GALNT4: variants seen among roughly 807,000 people sequenced by gnomAD.
GALNT4 encodes UDP-GalNAc:polypeptide N-acetylgalactosaminyltransferase 4.
Under a neutral mutation model 45.1 loss-of-function variants are expected in GALNT4, and 23 were observed. The ratio of observed to expected loss-of-function variants is 0.51; its 90% CI spans 0.37 to 0.72. The LOEUF (loss-of-function observed/expected upper bound fraction) is 0.72. Ranked by LOEUF, GALNT4 falls within the 30% of genes least tolerant of loss-of-function variation. GALNT4 has a pLI of 0.00. For missense variants in GALNT4, 757 were observed against 709.0 expected, an observed-to-expected ratio of 1.07 and a Z score of -0.77; for synonymous variants, 264 against 257.6, an observed-to-expected ratio of 1.02 and a Z score of -0.24.
At position 89,524,165 on chromosome 12, in the gene GALNT4, A is replaced by G. The variant is rs1871200136; in HGVS notation, c.385T>C (p.Phe129Leu). The G allele has an allele frequency of 6.2e-7, 1 of 1,613,846 alleles. No individual in the cohort carries two copies. Among genetic ancestry groups the G allele is most frequent in the Admixed American group, 1.7e-5 (1 of 59,992 alleles). Residue 129 changes from phenylalanine (F) to leucine (L), a missense_variant, in exon 1 of 1, where the codon TTC becomes CTC. Transcript: ENST00000529983. ...KRMYECKSQK[F>L]NYRTLPTTSV... is the part of the protein sequence containing the mutation. ...GTGGTAGGAAGTGTCCTATAGTTGAACTTCTGGGACTTACACTCATACATT... is the reference window on the plus strand; with the variant it reads ...GTGGTAGGAAGTGTCCTATAGTTGAGCTTCTGGGACTTACACTCATACATT...
rs368664850 is a variant in GALNT4, at chr12:89,523,128, C to T, written c.1422G>A (p.Leu474=). The T allele has an allele frequency of 6.2e-7, 1 of 1,613,780 alleles. No homozygotes were observed. Among genetic ancestry groups the T allele is most frequent in the Non-Finnish European group, 8.5e-7 (1 of 1,179,816 alleles). ...DNNPTGANLS[L]FGCHGQGGNQ... ...TGCCTCCTTGACCATGGCATCCAAA[C>T]AGTGAAAGGTTAGCACCTGTGGGGT... is the stretch of plus-strand genomic sequence containing the variant. The change falls in exon 1 of 1, where the codon CTG becomes CTA. Residue 474 remains leucine (L), a synonymous_variant. Coordinates refer to ENST00000529983, the MANE Select transcript of GALNT4 (RefSeq NM_003774.5).
In GALNT4 at chr12:89,524,727, C is replaced by T; in HGVS notation, c.-178G>A. ...GGGTCACCTGAGCCCTCTCGGTCCT[C>T]GGCCTCCGGCACAGCCCAACTCCTC... On this transcript the variant is annotated 5_prime_UTR_variant, in exon 1 of 1. Transcript: ENST00000529983. 1.5e-6 allele frequency: 1 copy of T among 677,550 alleles called. No homozygotes were observed. The highest frequency in any genetic ancestry group is 1.9e-5 in the South Asian group (1 of 51,932). 42.0% of individuals were successfully genotyped at this position (677,550 alleles called of 1,614,324 possible). A position where few individuals can be genotyped will look rare whatever the true frequency, so the allele number is the denominator to read the frequency against.
chr12:89,523,959 G>C lies in GALNT4; in HGVS notation c.591C>G (p.Arg197=). 1 of 1,613,776 alleles carries C rather than the reference G, an allele frequency of 6.2e-7. No individual in the cohort carries two copies. The highest frequency in any genetic ancestry group is 1.3e-5 in the African/African-American group (1 of 75,020). ...ETYISNLDRV[R]LIRTNKREGL... ...CCTCTCGCTTATTGGTCCTAATCAA[G>C]CGTACTCTATCAAGATTGCTGATGT... The change falls in exon 1 of 1, where the codon CGC becomes CGG. Residue 197 remains arginine, a synonymous_variant. Transcript: ENST00000529983.
Position 89,523,696 on chromosome 12 carries a change from T to C in GALNT4, c.854A>G (p.Gln285Arg), listed in dbSNP as rs770026727. 2.1e-5 allele frequency: 33 copies of C among 1,543,640 alleles called. No homozygotes were observed. The highest frequency in any genetic ancestry group is 1.8e-4 in the East Asian group (8 of 44,626). ...IGGFDWRLTF[Q>R]WHSVPKQERD... ...TTCCTGTTTGGGGACAGAATGCCAC[T>C]GAAATGTTAAACGCCAGTCAAACCC... The change falls in exon 1 of 1, where the codon CAG becomes CGG. Residue 285 changes from glutamine (Q) to arginine (R), a missense_variant. Gln to Arg is a conservative substitution (Grantham distance 43). Coordinates refer to ENST00000529983, the MANE Select transcript of GALNT4 (RefSeq NM_003774.5).
In GALNT4 at chr12:89,524,682, C is replaced by T; in HGVS notation, c.-133G>A. On this transcript the variant is annotated 5_prime_UTR_variant, in exon 1 of 1. Transcript: ENST00000529983. Reference sequence around the variant, plus strand: ...TTCATGCAGGCGCTAGGCTCCTTTCCAGCCACCCAGGCTTTCCAGGGGTCA... The same window carrying T: ...TTCATGCAGGCGCTAGGCTCCTTTCTAGCCACCCAGGCTTTCCAGGGGTCA... 1.0e-6 allele frequency: 1 copy of T among 964,610 alleles called. No individual in the cohort carries two copies. Among genetic ancestry groups the T allele is most frequent in the Non-Finnish European group, 1.5e-6 (1 of 649,334 alleles). The allele number at this position is 964,610 out of a possible 1,614,324, so 59.8% of individuals were successfully genotyped here.
chr12:89,524,651 C>T lies in GALNT4; in HGVS notation c.-102G>A. The stretch of plus-strand genomic sequence containing the variant: ...GAGCTCAGGTACTTCCCAGCAGGTT[C>T]TTCCTTTCATGCAGGCGCTAGGCTC... On this transcript the variant is annotated 5_prime_UTR_variant, in exon 1 of 1. Transcript: ENST00000529983. 1 of 1,260,310 alleles carries T rather than the reference C, an allele frequency of 7.9e-7. No individual in the cohort carries two copies. The highest frequency in any genetic ancestry group is 1.1e-6 in the Non-Finnish European group (1 of 897,996). 78.1% of individuals were successfully genotyped at this position (1,260,310 alleles called of 1,614,324 possible).
chr12:89,522,103 T>C lies in GALNT4; in HGVS notation c.*710A>G. On this transcript the variant is annotated 3_prime_UTR_variant, in exon 1 of 1. Coordinates refer to ENST00000529983, the MANE Select transcript of GALNT4 (RefSeq NM_003774.5). ...AAGACAGCTTACAAAATCAGAGGAA[T>C]CTGAGGTATTAATATATACATCAGT... 1 of 399,016 alleles carries C rather than the reference T, an allele frequency of 2.5e-6. No individual in the cohort carries two copies. Among genetic ancestry groups the C allele is most frequent in the Non-Finnish European group, 4.4e-6 (1 of 226,060 alleles). The allele number at this position is 399,016 out of a possible 1,614,324, so 24.7% of individuals were successfully genotyped here.
rs1408793456 is a variant in GALNT4 at position 89,523,884 on chromosome 12, G to A, written c.666C>T (p.Val222=). The change falls in exon 1 of 1, where the codon GTC becomes GTT. Residue 222 remains valine, a synonymous_variant. Transcript: ENST00000529983. ...CACAGTGACAATCCAGGAAAGTGAG[G>A]ACGTCCCCAGTGGCGAAAGTGGCCC... ...LIGATFATGD[V]LTFLDCHCEC... The A allele has an allele frequency of 2.5e-6, 4 of 1,575,828 alleles. No individual in the cohort carries two copies. The highest frequency in any genetic ancestry group is 3.4e-6 in the Non-Finnish European group (4 of 1,165,088).
rs1202719179 is a variant in GALNT4 at position 89,523,819 on chromosome 12, A to G, written c.731T>C (p.Ile244Thr). The G allele has an allele frequency of 1.3e-6, 2 of 1,541,272 alleles. No individual in the cohort carries two copies. The highest frequency in any genetic ancestry group is 2.6e-5 in the South Asian group (2 of 76,954). The part of the protein sequence containing the change: ...SGWLEPLLER[I>T]GRDETAVVCP... Reference sequence around the variant, plus strand: ...CACAACTGCTGTTTCATCTCTCCCAATCCTTTCCAAAAGCGGTTCCAGCCA... The same window carrying G: ...CACAACTGCTGTTTCATCTCTCCCAGTCCTTTCCAAAAGCGGTTCCAGCCA... The change falls in exon 1 of 1, where the codon ATT becomes ACT. Residue 244 changes from isoleucine (I) to threonine (T), a missense_variant. Ile to Thr is a moderately conservative substitution (Grantham distance 89). Coordinates refer to ENST00000529983, the MANE Select transcript of GALNT4 (RefSeq NM_003774.5).
At position 89,523,876 on chromosome 12, in the gene GALNT4, A is replaced by G; in HGVS notation, c.674T>C (p.Phe225Ser). The change falls in exon 1 of 1, where the codon TTC (phenylalanine) becomes TCC (serine). Residue 225 changes from phenylalanine to serine, a missense_variant. Coordinates refer to ENST00000529983, the MANE Select transcript of GALNT4 (RefSeq NM_003774.5). The part of the protein sequence containing the change: ...ATFATGDVLT[F>S]LDCHCECNSG... ...ATTACACTCACAGTGACAATCCAGGAAAGTGAGGACGTCCCCAGTGGCGAA... is the reference window on the plus strand; with the variant it reads ...ATTACACTCACAGTGACAATCCAGGGAAGTGAGGACGTCCCCAGTGGCGAA... 1.3e-6 allele frequency: 2 copies of G among 1,571,950 alleles called. No individual in the cohort carries two copies. Among genetic ancestry groups the G allele is most frequent in the South Asian group, 2.4e-5 (2 of 82,742 alleles).
chr12:89,520,769 C>T lies in GALNT4; in HGVS notation c.*2044G>A, dbSNP rs1003778296. ...AGTGAACACTAAAAGCAACTTTACT[C>T]GTGAATACAGTGGACTCTTTACGAG... On this transcript the variant is annotated 3_prime_UTR_variant, in exon 1 of 1. Transcript: ENST00000529983. The T allele has an allele frequency of 3.3e-5, 5 of 152,156 alleles. No individual in the cohort carries two copies. Among genetic ancestry groups the T allele is most frequent in the Non-Finnish European group, 7.3e-5 (5 of 68,028 alleles). 9.4% of individuals were successfully genotyped at this position (152,156 alleles called of 1,614,324 possible).
Position 89,523,548 on chromosome 12 carries a change from C to T in GALNT4, c.1002G>A (p.Trp334Ter). ...AAGACAGCTCAAGGTTTTCACCTCC[C>T]CACACTTCCATTCCTGTGTCATACG... ...LGTYDTGMEV[W>*]GGENLELSFR... Residue 334 changes from tryptophan to a stop codon, truncating the protein, a stop_gained, in exon 1 of 1, where the codon TGG becomes TGA. Coordinates refer to ENST00000529983, the MANE Select transcript of GALNT4 (RefSeq NM_003774.5). LOFTEE classifies it high-confidence loss of function. 6.2e-7 allele frequency: 1 copy of T among 1,600,356 alleles called. No individual in the cohort carries two copies. Among genetic ancestry groups the T allele is most frequent in the Non-Finnish European group, 8.5e-7 (1 of 1,174,688 alleles).
Position 89,523,847 on chromosome 12 carries a change from C to T in GALNT4, c.703G>A (p.Gly235Ser), listed in dbSNP as rs757967406. 10 of 1,546,784 alleles carry T rather than the reference C, an allele frequency of 6.5e-6. No individual in the cohort carries two copies. The highest frequency in any genetic ancestry group is 2.1e-5 in the Admixed American group (1 of 47,612). ...CTTTCCAAAAGCGGTTCCAGCCAAC[C>T]GGAATTACACTCACAGTGACAATCC... ...FLDCHCECNSGWLEPLLERIG... is the reference protein window; with the variant it reads ...FLDCHCECNSSWLEPLLERIG... The change falls in exon 1 of 1, where the codon GGT becomes AGT. Residue 235 changes from glycine to serine, a missense_variant. Transcript: ENST00000529983.
In GALNT4 at chr12:89,524,708, C is replaced by T; in HGVS notation, c.-159G>A. 1.3e-6 allele frequency: 1 copy of T among 745,978 alleles called. No individual in the cohort carries two copies. Among genetic ancestry groups the T allele is most frequent in the East Asian group, 2.7e-5 (1 of 37,264 alleles). The allele number at this position is 745,978 out of a possible 1,614,324, so 46.2% of individuals were successfully genotyped here. A position where few individuals can be genotyped will look rare whatever the true frequency, so the allele number is the denominator to read the frequency against. ...AGCCACCCAGGCTTTCCAGGGGTCA[C>T]CTGAGCCCTCTCGGTCCTCGGCCTC... is the stretch of plus-strand genomic sequence containing the variant. On this transcript the variant is annotated 5_prime_UTR_variant, in exon 1 of 1. In the 5' UTR this introduces an upstream ATG that the reference lacks. Transcript: ENST00000529983.
At position 89,522,649 on chromosome 12, in the gene GALNT4, C is replaced by T. The variant is rs371784931; in HGVS notation, c.*164G>A. 89 of 760,772 alleles carry T rather than the reference C, an allele frequency of 1.2e-4. No homozygotes were observed. In the East Asian group the frequency reaches 2.1e-3, roughly 18 times the overall value. The allele number at this position is 760,772 out of a possible 1,614,324, so 47.1% of individuals were successfully genotyped here. On this transcript the variant is annotated 3_prime_UTR_variant, in exon 1 of 1. Transcript: ENST00000529983. The stretch of plus-strand genomic sequence containing the variant: ...ATTAAACAGCAGCACTCTGGGTACC[C>T]AGTTTCAGTGTGATATACCAAAATG...
rs1870778288 is a variant in GALNT4, at chr12:89,520,706, A to G, written c.*2107T>C. ...TGGTTATCCTAAAGAATTTCCTTAA[A>G]TTCAGATTTTGCAAAATTCCTACTC... is the stretch of plus-strand genomic sequence containing the variant. On this transcript the variant is annotated 3_prime_UTR_variant, in exon 1 of 1. Coordinates refer to ENST00000529983, the MANE Select transcript of GALNT4 (RefSeq NM_003774.5). 6.6e-6 allele frequency: 1 copy of G among 152,216 alleles called. No homozygotes were observed. The highest frequency in any genetic ancestry group is 1.5e-5 in the Non-Finnish European group (1 of 68,024). 9.4% of individuals were successfully genotyped at this position (152,216 alleles called of 1,614,324 possible). A position where few individuals can be genotyped will look rare whatever the true frequency, so the allele number is the denominator to read the frequency against.
Position 89,524,508 on chromosome 12 carries a change from C to A in GALNT4, c.42G>T (p.Leu14=). The change falls in exon 1 of 1, where the codon CTG becomes CTT. Residue 14 remains leucine, a synonymous_variant. Coordinates refer to ENST00000529983, the MANE Select transcript of GALNT4 (RefSeq NM_003774.5). The part of the protein sequence containing the change: ...RWTWAGKSCL[L]LAFLTVAYIF... ...TATAGGCCACTGTTAAAAACGCCAG[C>A]AGCAGGCAGCTCTTGCCTGCCCAAG... is the stretch of plus-strand genomic sequence containing the variant. 1 of 1,612,370 alleles carries A rather than the reference C, an allele frequency of 6.2e-7. No individual in the cohort carries two copies. Among genetic ancestry groups the A allele is most frequent in the Non-Finnish European group, 8.5e-7 (1 of 1,179,888 alleles).
Position 89,524,197 on chromosome 12 carries a change from T to C in GALNT4, c.353A>G (p.Asp118Gly). The change falls in exon 1 of 1, where the codon GAT becomes GGT. Residue 118 changes from aspartate (D) to glycine (G), a missense_variant. Coordinates refer to ENST00000529983, the MANE Select transcript of GALNT4 (RefSeq NM_003774.5). ...DRISLHRHIE[D>G]KRMYECKSQK... ...GGACTTACACTCATACATTCTTTTA[T>C]CCTCTATGTGTCGATGCAGGGAAAT... The C allele has an allele frequency of 6.2e-7, 1 of 1,614,034 alleles. No individual in the cohort carries two copies. The highest frequency in any genetic ancestry group is 1.3e-5 in the African/African-American group (1 of 75,042).
Position 89,521,929 on chromosome 12 carries a change from T to A in GALNT4, c.*884A>T, listed in dbSNP as rs955977429. The A allele has an allele frequency of 1.5e-5, 6 of 398,574 alleles. No homozygotes were observed. Among genetic ancestry groups the A allele is most frequent in the African/African-American group, 1.2e-4 (6 of 48,636 alleles). The allele number at this position is 398,574 out of a possible 1,614,324, so 24.7% of individuals were successfully genotyped here. On this transcript the variant is annotated 3_prime_UTR_variant, in exon 1 of 1. Transcript: ENST00000529983. Reference sequence around the variant, plus strand: ...TTTAATAAACATAGTTGGGTTTAACTTCAGAGAGGCTTCAATTGTGTTTAC... The same window carrying A: ...TTTAATAAACATAGTTGGGTTTAACATCAGAGAGGCTTCAATTGTGTTTAC...
Sources: allele counts gnomAD v4.1 joint callset, GRCh38; gene constraint gnomAD v4.1.1; transcripts MANE v1.5; gene names NCBI Gene and HGNC (gene_info 2026-07-23, HGNC 2026-07-21).